Variants in NRXN1 observed in about 807,000 individuals in gnomAD.
The protein encoded by NRXN1 is neurexin-1.
In NRXN1, 39 loss-of-function variants were observed where a neutral mutation model predicts 150.9. The ratio of observed to expected loss-of-function variants is 0.26; its 90% CI spans 0.20 to 0.34. NRXN1 has a LOEUF of 0.34. Ranked by LOEUF, NRXN1 falls within the 10% of genes least tolerant of loss-of-function variation. The pLI is 1.00. For missense variants in NRXN1, 1,815 were observed against 1,949.9 expected, an observed-to-expected ratio of 0.93 and a Z score of 1.30; for synonymous variants, 924 against 757.0, an observed-to-expected ratio of 1.22 and a Z score of -3.62.
intron 17 of NRXN1, among the ~76,000 whole-genome samples, chr2:50,390,597 A>G (rs1285181730): frequency 6.6e-6 from 1 of 152,194 alleles, no homozygotes; most frequent in African/African-American, 2.4e-5. Context: ...TTAATCTCCC[A>G]TGCAGCAATA....
At chr2:50,798,388 C>T (rs1008151359) in intron 5 of NRXN1, among the ~76,000 whole-genome samples, 1 of 152,092 alleles carries the variant, frequency 6.6e-6, no homozygotes, top group Admixed American at 6.6e-5. Context: ...TTAGAGTACT[C>T]ATAAATATTT....
At chr2:50,742,002 A>C (rs1699482167) in intron 5 of NRXN1, among the ~76,000 whole-genome samples, 1 of 152,186 alleles carries the variant, frequency 6.6e-6, no homozygotes, top group Non-Finnish European at 1.5e-5. Flanking sequence ...TTTACTTGCC[A>C]ACAAATATCA....
Position 50,802,248 on chromosome 2 carries a change from T to G in NRXN1, c.832+119621A>C, listed in dbSNP as rs185903270. ...GGCTCATGCATGCAATCCCAGCACT[T>G]TGGGAGGCCGAGGCAGGGGGATCAC... is the stretch of plus-strand genomic sequence containing the variant. On this transcript the variant is annotated intron_variant, in intron 5 of 22. Coordinates refer to ENST00000401669, the MANE Select transcript of NRXN1 (RefSeq NM_001330078.2). 4.1e-3 allele frequency among the ~76,000 whole-genome samples: 628 copies of G among 152,158 alleles called. 3 individuals carry two copies. The highest frequency in any genetic ancestry group is 7.1e-3 in the Admixed American group (108 of 15,278).
At position 50,561,635 on chromosome 2, in the gene NRXN1, C is replaced by T. The variant is rs796286470; in HGVS notation, c.1321-8610G>A. Among the ~76,000 whole-genome samples the T allele has an allele frequency of 3.9e-5, 6 of 152,224 alleles. No individual in the cohort carries two copies. In the East Asian group the frequency reaches 7.7e-4, roughly 20 times the overall value. ...TGAAATGCTCTTAAGCAATTACAAA[C>T]GAAGAGCAGCCCACTTTTTAGCAAC... On this transcript the variant is annotated intron_variant, in intron 8 of 22. Transcript: ENST00000401669.
chr2:50,203,829 T>G (rs960296698), intron 18 of NRXN1, among the ~76,000 whole-genome samples: 1 of 152,162 alleles, frequency 6.6e-6, no homozygotes, highest in African/African-American at 2.4e-5. Flanking sequence ...AGCTGAAAAC[T>G]GTTCAACAGC....
chr2:50,717,162 A>G (rs1695972771), intron 5 of NRXN1, among the ~76,000 whole-genome samples: 1 of 152,186 alleles, frequency 6.6e-6, no homozygotes, highest in Non-Finnish European at 1.5e-5. Context: ...CTTAATTCAA[A>G]TTGGCATGCA....
intron 15 of NRXN1, among the ~76,000 whole-genome samples, chr2:50,491,198 G>T (rs877108): frequency 0.29 from 43,605 of 152,096 alleles, 6,984 homozygotes; most frequent in South Asian, 0.39. Flanking sequence ...ACTTTGAATA[G>T]AATCTGGTTT....
intron 22 of NRXN1, among the ~76,000 whole-genome samples, chr2:49,931,205 C>A (rs908855870): frequency 6.6e-6 from 1 of 152,166 alleles, no homozygotes; most frequent in Non-Finnish European, 1.5e-5. Context: ...TCTCATATTT[C>A]TTTAACTCAC....
chr2:49,969,422 A>G (rs1201630617), intron 21 of NRXN1, among the ~76,000 whole-genome samples: 1 of 152,122 alleles, frequency 6.6e-6, no homozygotes, highest in Non-Finnish European at 1.5e-5. Flanking sequence ...GGCTGTACAT[A>G]TGCAACTTCT....
intron 21 of NRXN1, among the ~76,000 whole-genome samples, chr2:49,964,355 G>C (rs1206252513): frequency 1.3e-5 from 2 of 152,104 alleles, no homozygotes; most frequent in Non-Finnish European, 2.9e-5. Context: ...TGAGGTGGAT[G>C]GATTACCTGA....
At chr2:50,981,646 C>T (rs1696837983) in intron 2 of NRXN1, among the ~76,000 whole-genome samples, 1 of 151,706 alleles carries the variant, frequency 6.6e-6, no homozygotes, top group South Asian at 2.1e-4. Context: ...ACCAAAAGAA[C>T]AGTCTGCTAA....
chr2:50,239,009 CACAAA>C (rs1349198236), intron 17 of NRXN1, among the ~76,000 whole-genome samples: 1 of 151,942 alleles, frequency 6.6e-6, no homozygotes, highest in Non-Finnish European at 1.5e-5. Context: ...CCAGTCAGTG[CACAAA>C]GAAAATTCAG....
At chr2:50,037,092 C>T (rs777631083) in intron 21 of NRXN1, among the ~76,000 whole-genome samples, 1 of 152,066 alleles carries the variant, frequency 6.6e-6, no homozygotes, top group Non-Finnish European at 1.5e-5. Context: ...TTTTTAAAGA[C>T]AAAATGTATT....
At chr2:50,750,217 C>T (rs1033606641) in intron 5 of NRXN1, among the ~76,000 whole-genome samples, 6 of 152,048 alleles carry the variant, frequency 3.9e-5, no homozygotes, top group African/African-American at 1.4e-4. Context: ...CTACATCTCA[C>T]ATAATTTGTC....
chr2:49,973,378 T>C (rs1350920979), intron 21 of NRXN1, among the ~76,000 whole-genome samples: 1 of 152,214 alleles, frequency 6.6e-6, no homozygotes, highest in Non-Finnish European at 1.5e-5. Context: ...GTTTAATCAC[T>C]GATCACTAAT....
chr2:50,623,435 C>T lies in NRXN1; in HGVS notation c.1013G>A (p.Gly338Glu). Residue 338 changes from glycine to glutamate, a missense_variant, in exon 6 of 23, where the codon GGA (glycine) becomes GAA (glutamate). Physicochemically the swap from Gly to Glu is moderately conservative, Grantham distance 98. Around this residue, in one of 6 missense-constraint regions of NRXN1, gnomAD observed 554 missense variants for 478.8 expected, o/e 1.16. Transcript: ENST00000401669. ...CAAATTAATGACCAGAGAGACAGCT[C>T]CATTTTTCAGGGCAAGATTGACATA... ...ADYVNLALKN[G>E]AVSLVINLGS... The T allele has an allele frequency of 6.2e-7, 1 of 1,613,444 alleles. No individual in the cohort carries two copies.
intron 18 of NRXN1, among the ~76,000 whole-genome samples, chr2:50,198,577 A>C (rs769939254): frequency 1.3e-4 from 20 of 152,126 alleles, no homozygotes; most frequent in Non-Finnish European, 2.5e-4. Context: ...ATGATTTTTA[A>C]AATACAATAC....
intron 5 of NRXN1, chr2:50,898,697 AT>A (rs1300407110): frequency 2.7e-6 from 1 of 373,330 alleles, no homozygotes; most frequent in East Asian, 8.5e-5. Context: ...ATTGCTTAAT[AT>A]AAAAAGCACA....
At chr2:50,869,626 A>T (rs1456088438) in intron 5 of NRXN1, among the ~76,000 whole-genome samples, 2 of 151,798 alleles carry the variant, frequency 1.3e-5, no homozygotes, top group African/African-American at 2.4e-5. Context: ...TTACATATAG[A>T]GCTACTGATG....
Sources: gnomAD v4.1 joint callset for allele counts (sites outside exome capture counted in the v4.1 genomes callset) on GRCh38, gnomAD v4.1.1 for gene constraint, gnomAD v4.1.1 regional missense constraint, MANE v1.5 for transcripts, NCBI Gene and HGNC (gene_info 2026-07-23, HGNC 2026-07-21) for gene names.